The following FBXL17 variants were observed in gnomAD, a reference collection of about 807,000 sequenced individuals.
The protein encoded by FBXL17 is F-box and leucine rich repeat protein 17, also known as F-box/LRR-repeat protein 17.
In FBXL17, 22 loss-of-function variants were observed where a neutral mutation model predicts 66.2. That is an observed-to-expected ratio of 0.33 (90% confidence interval 0.24 to 0.47). FBXL17 has a LOEUF of 0.47. Among genes scored for constraint, FBXL17 ranks in the 20% least tolerant of loss-of-function variants. FBXL17 has a pLI of 1.00. For missense variants in FBXL17, 878 were observed against 948.2 expected (o/e 0.93, Z 0.97); for synonymous variants, 474 against 400.5 (o/e 1.18, Z -2.19).
intron 6 of FBXL17, among the ~76,000 whole-genome samples, chr5:108,052,625 A>C (rs1040301007): frequency 3.9e-5 from 6 of 152,354 alleles, no homozygotes; most frequent in South Asian, 2.1e-4. Flanking sequence ...ATACTGCCCA[A>C]AGTAATTTAT....
chr5:108,144,182 C>CA (rs2149989633), intron 6 of FBXL17, among the ~76,000 whole-genome samples: 1 of 152,232 alleles, frequency 6.6e-6, no homozygotes, highest in South Asian at 2.1e-4. Flanking sequence ...AACCATTTCT[C>CA]AAACCAAGGA....
rs533015001 is a variant in FBXL17 at position 107,948,195 on chromosome 5, G to A, written c.1823-67016C>T. On this transcript the variant is annotated intron_variant, in intron 7 of 8. Coordinates refer to ENST00000542267, the MANE Select transcript of FBXL17 (RefSeq NM_001163315.3). ...TAATAGAGAAATAAACCTTTTGAAA[G>A]TAGTCTCTTGTTTTAACTTTAACAT... Among the ~76,000 whole-genome samples, 18 of 152,176 alleles carry A rather than the reference G, an allele frequency of 1.2e-4. No homozygotes were observed. The East Asian group carries it at 3.5e-3, about 29-fold the overall frequency.
chr5:108,377,843 TTAAAGGGC>T (rs1478930155), intron 1 of FBXL17, among the ~76,000 whole-genome samples: 2 of 152,242 alleles, frequency 1.3e-5, no homozygotes, highest in Non-Finnish European at 2.9e-5. Flanking sequence ...CTATGTGGTC[TTAAAGGGC>T]TAATTTGTCA....
At chr5:108,161,995 G>A (rs1162573848) in intron 6 of FBXL17, among the ~76,000 whole-genome samples, 4 of 152,348 alleles carry the variant, frequency 2.6e-5, no homozygotes, top group Admixed American at 2.6e-4. Flanking sequence ...ATGCTCAGCA[G>A]CGTTAAAAGG....
At chr5:108,004,838 G>A (rs890636258) in intron 7 of FBXL17, among the ~76,000 whole-genome samples, 6 of 152,048 alleles carry the variant, frequency 3.9e-5, no homozygotes, top group African/African-American at 9.7e-5. Context: ...GACAGAATTC[G>A]TAGCGTATTA....
At chr5:108,199,146 AT>A (rs1385404352) in intron 5 of FBXL17, among the ~76,000 whole-genome samples, 2 of 152,172 alleles carry the variant, frequency 1.3e-5, no homozygotes, top group Non-Finnish European at 2.9e-5. Flanking sequence ...ATATCAACTT[AT>A]CATTTACCTT....
At chr5:107,879,008 C>T (rs1436215450) in intron 8 of FBXL17, 2 of 985,332 alleles carry the variant, frequency 2.0e-6, no homozygotes, top group Non-Finnish European at 2.4e-6. Flanking sequence ...AATCTGAATA[C>T]TGTCTCTATT....
chr5:108,122,055 G>A (rs1375465498), intron 6 of FBXL17, among the ~76,000 whole-genome samples: 1 of 151,950 alleles, frequency 6.6e-6, no homozygotes, highest in Non-Finnish European at 1.5e-5. Context: ...TCTTTGAAAG[G>A]CAATGAAATA....
At chr5:107,878,587 T>A (rs1748685017) in intron 8 of FBXL17, 1 of 982,342 alleles carries the variant, frequency 1.0e-6, no homozygotes, top group Non-Finnish European at 1.2e-6. Context: ...ATACCGTTGC[T>A]ACTAATTTCT....
At chr5:107,876,868 G>A (rs906453440) in intron 8 of FBXL17, among the ~76,000 whole-genome samples, 4 of 152,218 alleles carry the variant, frequency 2.6e-5, no homozygotes, top group African/African-American at 4.8e-5. Flanking sequence ...TTATAATTGC[G>A]GAAAACAGAG....
intron 7 of FBXL17, among the ~76,000 whole-genome samples, chr5:108,001,405 A>T (rs77135451): frequency 0.016 from 2,425 of 152,354 alleles, 64 homozygotes; most frequent in African/African-American, 0.055. Flanking sequence ...CACAATAATA[A>T]AGGTAGAATT....
chr5:108,058,429 CTTT>C, intron 6 of FBXL17, among the ~76,000 whole-genome samples: 1 of 150,486 alleles, frequency 6.6e-6, no homozygotes, highest in African/African-American at 2.5e-5. Context: ...TTTCTTCTTT[CTTT>C]CTCTTTCTTT....
intron 6 of FBXL17, among the ~76,000 whole-genome samples, chr5:108,085,969 A>T (rs1446785718): frequency 1.3e-5 from 2 of 152,164 alleles, no homozygotes; most frequent in Non-Finnish European, 2.9e-5. Context: ...GAGCCTTAGA[A>T]GCAAGGTCTT....
chr5:108,074,153 T>C (rs974067040), intron 6 of FBXL17, among the ~76,000 whole-genome samples: 12 of 152,324 alleles, frequency 7.9e-5, no homozygotes, highest in African/African-American at 2.6e-4. Context: ...AGTGTACACA[T>C]TAATATGAGC....
At chr5:108,184,687 T>A (rs1023161008) in intron 6 of FBXL17, among the ~76,000 whole-genome samples, 2 of 129,926 alleles carry the variant, frequency 1.5e-5, no homozygotes, top group Admixed American at 1.0e-4. Context: ...GAGGCTGAAG[T>A]GAGCAGAGAT....
chr5:108,362,775 T>G (rs1428694514), intron 3 of FBXL17, among the ~76,000 whole-genome samples: 1 of 152,072 alleles, frequency 6.6e-6, no homozygotes, highest in Non-Finnish European at 1.5e-5. Context: ...CTGACAGAAT[T>G]CAAAAGGCAC....
intron 5 of FBXL17, among the ~76,000 whole-genome samples, chr5:108,214,639 G>C (rs1054008356): frequency 7.9e-5 from 12 of 151,810 alleles, no homozygotes; most frequent in African/African-American, 2.9e-4. Flanking sequence ...CAAACTGCTG[G>C]GATTACAGGC....
In FBXL17 at chr5:108,133,734, G is replaced by C. The variant is rs144536174; in HGVS notation, c.1745+52383C>G. 2.7e-3 allele frequency among the ~76,000 whole-genome samples: 406 copies of C among 152,218 alleles called. 5 individuals carry two copies. The highest frequency in any genetic ancestry group is 9.4e-3 in the African/African-American group (389 of 41,562). ...AAAGAAGAAAAGACAAAAAAATGTA[G>C]GCTTTGGAGTCAAATATCTCAGCTA... On this transcript the variant is annotated intron_variant, in intron 6 of 8. Coordinates refer to ENST00000542267, the MANE Select transcript of FBXL17 (RefSeq NM_001163315.3).
At chr5:108,196,065 T>C (rs904555907) in intron 5 of FBXL17, among the ~76,000 whole-genome samples, 1 of 152,064 alleles carries the variant, frequency 6.6e-6, no homozygotes, top group Non-Finnish European at 1.5e-5. Context: ...TAATTATATA[T>C]AAATGTGTTA....
Sources: allele counts gnomAD v4.1 joint callset (sites outside exome capture counted in the v4.1 genomes callset), GRCh38; gene constraint gnomAD v4.1.1; transcripts MANE v1.5; gene names NCBI Gene and HGNC (gene_info 2026-07-23, HGNC 2026-07-21).